Variants in LRP6 observed in about 807,000 individuals in gnomAD.
LRP6 encodes LDL receptor related protein 6.
In LRP6, 43 loss-of-function variants were observed where a neutral mutation model predicts 184.1. The observed-to-expected ratio is 0.23, with a 90% CI of 0.18 to 0.30. The LOEUF (loss-of-function observed/expected upper bound fraction) is 0.30. Among genes scored for constraint, LRP6 ranks in the 10% least tolerant of loss-of-function variants. The pLI, the probability that LRP6 is intolerant of heterozygous loss-of-function variation, is 1.00. For missense variants in LRP6, 1,571 were observed against 2,005.3 expected (o/e 0.78, Z 4.14); for synonymous variants, 719 against 684.9 (o/e 1.05, Z -0.78).
At chr12:12,255,421 TAA>T (rs34525701) in intron 1 of LRP6, among the ~76,000 whole-genome samples, 112 of 146,290 alleles carry the variant, frequency 7.7e-4, no homozygotes, top group Admixed American at 9.5e-4. Context: ...CTCCTTTCTA[TAA>T]AAAAAAAAAA....
intron 15 of LRP6, among the ~76,000 whole-genome samples, chr12:12,139,502 T>C (rs1949899203): frequency 6.6e-6 from 1 of 152,110 alleles, no homozygotes; most frequent in Admixed American, 6.5e-5. Flanking sequence ...GGCAGGAGGA[T>C]CACGTGAGCC....
intron 2 of LRP6, among the ~76,000 whole-genome samples, chr12:12,203,639 G>A (rs1349856219): frequency 6.6e-6 from 1 of 152,096 alleles, no homozygotes; most frequent in African/African-American, 2.4e-5. Context: ...GTGGTGGTGT[G>A]TGCCTGTAGT....
intron 7 of LRP6, 23 bp from the exon 8 acceptor site, chr12:12,165,318 G>C (rs1208115734): frequency 2.7e-6 from 4 of 1,496,786 alleles, no homozygotes; most frequent in Non-Finnish European, 2.8e-6. Flanking sequence ...ATTCAAAAGA[G>C]AAGGGGATGA....
rs1949551124 is a variant in LRP6, at chr12:12,118,679, C to CA, written c.*2446dup. 1.3e-5 allele frequency: 2 copies of CA among 152,144 alleles called. No homozygotes were observed. Among genetic ancestry groups the CA allele is most frequent in the African/African-American group, 4.8e-5 (2 of 41,422 alleles). The allele number at this position is 152,144 out of a possible 1,614,324, so 9.4% of individuals were successfully genotyped here. On this transcript the variant is annotated 3_prime_UTR_variant, in exon 23 of 23. Transcript: ENST00000261349. ...GCTCAATAAATCTTTCCAAATTTGA[C>CA]AATTCTCTCATTAAAAAGTACTCCC... is the stretch of plus-strand genomic sequence containing the variant.
At position 12,119,988 on chromosome 12, in the gene LRP6, AAAATATATATATAT is replaced by A. The variant is rs1378490909; in HGVS notation, c.*1124_*1137del. The A allele has an allele frequency of 1.0e-5, 1 of 97,046 alleles. No individual in the cohort carries two copies. The highest frequency in any genetic ancestry group is 3.0e-4 in the East Asian group (1 of 3,362). 6.0% of individuals were successfully genotyped at this position (97,046 alleles called of 1,614,324 possible). ...TTACTCAGAAAACAAACAAACAAAC[AAAATATATATATAT>A]ATATATATATATATATATATATATA... On this transcript the variant is annotated 3_prime_UTR_variant, in exon 23 of 23. Coordinates refer to ENST00000261349, the MANE Select transcript of LRP6 (RefSeq NM_002336.3).
At position 12,251,317 on chromosome 12, in the gene LRP6, G is replaced by A. The variant is rs369147736; in HGVS notation, c.56-6662C>T. Reference sequence around the variant, plus strand: ...TATAGTTACGTAAAACTAGATTTTAGTTTTCTCTGTTAAAATGACGGATTT... The same window carrying A: ...TATAGTTACGTAAAACTAGATTTTAATTTTCTCTGTTAAAATGACGGATTT... On this transcript the variant is annotated intron_variant, in intron 1 of 22. Transcript: ENST00000261349. 7.2e-5 allele frequency among the ~76,000 whole-genome samples: 11 copies of A among 152,120 alleles called. No individual in the cohort carries two copies. In the East Asian group the frequency reaches 1.9e-3, roughly 27 times the overall value.
At chr12:12,231,231 C>T (rs746200005) in intron 2 of LRP6, among the ~76,000 whole-genome samples, 26 of 135,222 alleles carry the variant, frequency 1.9e-4, no homozygotes, top group Non-Finnish European at 2.8e-4. Flanking sequence ...TGACCTGATG[C>T]TATGACGACC....
At chr12:12,242,618 C>A (rs929760636) in intron 2 of LRP6, among the ~76,000 whole-genome samples, 3 of 152,202 alleles carry the variant, frequency 2.0e-5, no homozygotes, top group Non-Finnish European at 4.4e-5. Flanking sequence ...TTCTCAACAA[C>A]CAAATTCTTT....
chr12:12,236,597 G>A (rs913607997), intron 2 of LRP6, among the ~76,000 whole-genome samples: 14 of 152,044 alleles, frequency 9.2e-5, no homozygotes, highest in South Asian at 2.1e-4. Context: ...TAACGGGCTC[G>A]GTCCTAAAAG....
intron 2 of LRP6, among the ~76,000 whole-genome samples, chr12:12,228,708 C>A (rs1483323500): frequency 1.3e-5 from 2 of 152,198 alleles, no homozygotes; most frequent in Non-Finnish European, 2.9e-5. Context: ...AGGTTGCACA[C>A]CTCCATTTGT....
chr12:12,171,320 T>C (rs937985696), intron 7 of LRP6, among the ~76,000 whole-genome samples: 1 of 152,018 alleles, frequency 6.6e-6, no homozygotes, highest in Non-Finnish European at 1.5e-5. Flanking sequence ...ATCAAGACCA[T>C]CCTGGCTAAC....
intron 9 of LRP6, 51 bp from the exon 10 acceptor site, chr12:12,162,470 T>C (rs1351476599): frequency 6.7e-7 from 1 of 1,488,758 alleles, no homozygotes; most frequent in Non-Finnish European, 9.4e-7. Context: ...CTAAACCCTA[T>C]CCAGAAAGAA....
chr12:12,259,042 A>G (rs1865545887), intron 1 of LRP6, among the ~76,000 whole-genome samples: 1 of 152,204 alleles, frequency 6.6e-6, no homozygotes, highest in Non-Finnish European at 1.5e-5. Context: ...CGGGTGGACC[A>G]CCTGAGGTCA....
intron 2 of LRP6, among the ~76,000 whole-genome samples, chr12:12,205,201 C>T (rs1864020324): frequency 6.6e-6 from 1 of 151,554 alleles, no homozygotes. Context: ...CATGTAACCC[C>T]AGCTACTCAG....
chr12:12,229,917 A>T (rs569858428), intron 2 of LRP6, among the ~76,000 whole-genome samples: 1 of 152,364 alleles, frequency 6.6e-6, no homozygotes, highest in African/African-American at 2.4e-5. Context: ...CTTGATAATG[A>T]TTAAATAAAT....
intron 2 of LRP6, among the ~76,000 whole-genome samples, chr12:12,233,964 T>G (rs1303363890): frequency 6.6e-6 from 1 of 151,920 alleles, no homozygotes; most frequent in Non-Finnish European, 1.5e-5. Flanking sequence ...ATGAGGAAGA[T>G]CTCTATGAAA....
chr12:12,192,815 A>T (rs920294210), intron 3 of LRP6, among the ~76,000 whole-genome samples: 5 of 152,056 alleles, frequency 3.3e-5, no homozygotes, highest in Non-Finnish European at 2.9e-5. Flanking sequence ...CCCTATTCTC[A>T]CTAAAGGAAA....
chr12:12,127,019 A>G, intron 19 of LRP6, 98 bp from the exon 20 acceptor site: 1 of 953,206 alleles, frequency 1.0e-6, no homozygotes, highest in East Asian at 2.5e-5. Flanking sequence ...GTGAAGCTAT[A>G]AGCCTAATGA....
chr12:12,130,342 C>T (rs572730594), intron 19 of LRP6, among the ~76,000 whole-genome samples: 1 of 152,110 alleles, frequency 6.6e-6, no homozygotes, highest in East Asian at 1.9e-4. Flanking sequence ...TGCACCACCA[C>T]GCCTGGCTAA....
Sources: allele counts gnomAD v4.1 joint callset (sites outside exome capture counted in the v4.1 genomes callset), GRCh38; gene constraint gnomAD v4.1.1; transcripts MANE v1.5; gene names NCBI Gene and HGNC (gene_info 2026-07-23, HGNC 2026-07-21).